The following PFKFB4 variants were observed in gnomAD, a reference collection of about 807,000 sequenced individuals.
PFKFB4 encodes the protein 6-phosphofructo-2-kinase/fructose-2,6-biphosphatase 4, also known as 6-phosphofructo-2-kinase/fructose-2,6-bisphosphatase 4.
Under a neutral mutation model 62.8 loss-of-function variants are expected in PFKFB4, and 42 were observed. The ratio of observed to expected loss-of-function variants is 0.67; its 90% CI spans 0.52 to 0.86. The LOEUF is 0.86. Ranked by LOEUF, PFKFB4 falls within the 40% of genes least tolerant of loss-of-function variation. The probability of loss-of-function intolerance (pLI) is 0.00; values close to 1 mark genes in which losing one functional copy is unlikely to be tolerated. For synonymous variants in PFKFB4, 204 were observed against 240.7 expected (o/e 0.85, Z 1.41); for missense variants, 475 against 627.2 (o/e 0.76, Z 2.59).
intron 9 of PFKFB4, among the ~76,000 whole-genome samples, chr3:48,532,897 T>C (rs1000383518): frequency 2.6e-5 from 4 of 152,216 alleles, no homozygotes; most frequent in African/African-American, 9.7e-5. Context: ...ACCTTGAGGA[T>C]ATTATGCTAA....
intron 9 of PFKFB4, among the ~76,000 whole-genome samples, chr3:48,527,612 T>C (rs1208132607): frequency 6.6e-6 from 1 of 152,030 alleles, no homozygotes; most frequent in Middle Eastern, 3.4e-3. Flanking sequence ...TAGTAGAAAT[T>C]TAGACATTAA....
Position 48,518,624 on chromosome 3 carries a change from T to C in PFKFB4, c.*1123A>G, listed in dbSNP as rs1275170202. The C allele has an allele frequency of 6.6e-6, 1 of 152,192 alleles. No individual in the cohort carries two copies. The highest frequency in any genetic ancestry group is 1.5e-5 in the Non-Finnish European group (1 of 68,052). The allele number at this position is 152,192 out of a possible 1,614,324, so 9.4% of individuals were successfully genotyped here. A position where few individuals can be genotyped will look rare whatever the true frequency, so the allele number is the denominator to read the frequency against. On this transcript the variant is annotated 3_prime_UTR_variant, in exon 14 of 14. Coordinates refer to ENST00000232375, the MANE Select transcript of PFKFB4 (RefSeq NM_004567.4). ...TTCACCAGACTCACGTGCACATGAA[T>C]GGAAGGCTGTGCTGCGGCCGGGAAA...
At chr3:48,525,729 A>T in intron 9 of PFKFB4, 60 bp from the exon 10 acceptor site, 1 of 877,054 alleles carries the variant, frequency 1.1e-6, no homozygotes, top group African/African-American at 1.7e-5. Context: ...CCTTGGGGAC[A>T]TGTGGGGTGA....
At position 48,550,098 on chromosome 3, in the gene PFKFB4, C is replaced by A. The variant is rs1274102880; in HGVS notation, c.214+20G>T. ...CATGCCCCACAAAGCTCCCCTTAGACAGCTGGGGCCAAGCCTCACCCCGAG... is the reference window on the plus strand; with the variant it reads ...CATGCCCCACAAAGCTCCCCTTAGAAAGCTGGGGCCAAGCCTCACCCCGAG... On this transcript the variant is annotated intron_variant, in intron 2 of 13. Coordinates refer to ENST00000232375, the MANE Select transcript of PFKFB4 (RefSeq NM_004567.4). The A allele has an allele frequency of 3.2e-6, 5 of 1,555,866 alleles. No homozygotes were observed. The highest frequency in any genetic ancestry group is 3.5e-6 in the Non-Finnish European group (4 of 1,127,056).
intron 9 of PFKFB4, among the ~76,000 whole-genome samples, chr3:48,534,789 C>A (rs1203510555): frequency 1.3e-5 from 2 of 149,818 alleles, no homozygotes; most frequent in Non-Finnish European, 3.0e-5. Context: ...AGAAACAATG[C>A]AACCCAGAAG....
chr3:48,540,272 T>A (rs1401642378), intron 4 of PFKFB4, among the ~76,000 whole-genome samples: 1 of 152,126 alleles, frequency 6.6e-6, no homozygotes, highest in Non-Finnish European at 1.5e-5. Flanking sequence ...GTCAGAGAGA[T>A]CCACGGTGAC....
intron 4 of PFKFB4, 113 bp downstream of exon 4, chr3:48,543,467 C>T: frequency 2.1e-6 from 2 of 950,300 alleles, no homozygotes; most frequent in Non-Finnish European, 3.3e-6. Flanking sequence ...GCACCCAGAG[C>T]AGCTGGGGCA....
At position 48,520,668 on chromosome 3, in the gene PFKFB4, C is replaced by G. The variant is rs185471936; in HGVS notation, c.1351-862G>C. On this transcript the variant is annotated intron_variant, in intron 13 of 13. Coordinates refer to ENST00000232375, the MANE Select transcript of PFKFB4 (RefSeq NM_004567.4). ...TGCTGGGCAGGCTTCCTGAGGCGCCCCTTTTCCACCACAGCCTGCCCCAAT... is the reference window on the plus strand; with the variant it reads ...TGCTGGGCAGGCTTCCTGAGGCGCCGCTTTTCCACCACAGCCTGCCCCAAT... 4.2e-3 allele frequency among the ~76,000 whole-genome samples: 639 copies of G among 152,332 alleles called. 2 individuals are homozygous for G. The highest frequency in any genetic ancestry group is 7.0e-3 in the Non-Finnish European group (478 of 68,020).
rs1424112357 is a variant in PFKFB4, at chr3:48,521,125, AGGTCCAAGGCCAGATGTCCT to A, written c.1350+841_1350+860del. ...GACACATCTACACACCTGTGCTGTG[AGGTCCAAGGCCAGATGTCCT>A]GGTCCAGCCCAAGACGTGCATCCTC... On this transcript the variant is annotated intron_variant, in intron 13 of 13. Transcript: ENST00000232375. This position sits in a 1 kb window ranked among gnomAD's most constrained non-coding sequence, Gnocchi z 5.3. Among the ~76,000 whole-genome samples the A allele has an allele frequency of 2.6e-5, 4 of 152,200 alleles. No individual in the cohort carries two copies. The South Asian group carries it at 6.2e-4, about 24-fold the overall frequency.
upstream of PFKFB4, chr3:48,562,335 A>G (rs1401049976): frequency 6.0e-6 from 1 of 167,652 alleles, no homozygotes; most frequent in Non-Finnish European, 1.3e-5. The surrounding 1 kb of genome is among the most constrained non-coding windows in gnomAD (Gnocchi z 4.3). Context: ...GACTGGTCGG[A>G]GGCAGTGTTG....
intron 9 of PFKFB4, 145 bp from the exon 10 acceptor site, chr3:48,525,814 G>C (rs556219408): frequency 1.3e-5 from 6 of 473,524 alleles, no homozygotes; most frequent in Middle Eastern, 6.8e-4. Flanking sequence ...TCTAAGGAGG[G>C]GAGGACCTCT....
intron 3 of PFKFB4, among the ~76,000 whole-genome samples, chr3:48,546,542 G>A (rs1451781686): frequency 6.6e-6 from 1 of 152,160 alleles, no homozygotes; most frequent in Non-Finnish European, 1.5e-5. Context: ...ACCTTCATGT[G>A]TAGTGGGTGA....
In PFKFB4 at chr3:48,556,606, G is replaced by A; in HGVS notation, c.97+75C>T. ...TCTGTCTCCCGCCCCTTCTCCATGC[G>A]AGACCCCCGCCCAGGCCGCCCTACC... On this transcript the variant is annotated intron_variant, in intron 1 of 13. Coordinates refer to ENST00000232375, the MANE Select transcript of PFKFB4 (RefSeq NM_004567.4). This position sits in a 1 kb window ranked among gnomAD's most constrained non-coding sequence, Gnocchi z 5.7. 6.8e-6 allele frequency: 10 copies of A among 1,472,506 alleles called. No homozygotes were observed. Among genetic ancestry groups the A allele is most frequent in the East Asian group, 2.4e-5 (1 of 41,096 alleles). 91.2% of individuals were successfully genotyped at this position (1,472,506 alleles called of 1,614,324 possible).
In PFKFB4 at chr3:48,521,765, G is replaced by A. The variant is rs1263103186; in HGVS notation, c.1350+221C>T. 6.6e-6 allele frequency among the ~76,000 whole-genome samples: 1 copy of A among 152,242 alleles called. No homozygotes were observed. Among genetic ancestry groups the A allele is most frequent in the Non-Finnish European group, 1.5e-5 (1 of 68,032 alleles). On this transcript the variant is annotated intron_variant, in intron 13 of 13. Transcript: ENST00000232375. This position sits in a 1 kb window ranked among gnomAD's most constrained non-coding sequence, Gnocchi z 5.3. ...GCACTCCTGAGCCTGGTGGCCCAGAGTCAGGGATTTCCCCATCCCCAGGGC... is the reference window on the plus strand; with the variant it reads ...GCACTCCTGAGCCTGGTGGCCCAGAATCAGGGATTTCCCCATCCCCAGGGC...
intron 1 of PFKFB4, among the ~76,000 whole-genome samples, chr3:48,553,327 A>G (rs1048900295): frequency 2.0e-5 from 3 of 152,188 alleles, no homozygotes; most frequent in Non-Finnish European, 4.4e-5. Context: ...TACAAAAATT[A>G]GCCGGGTGTG....
intron 9 of PFKFB4, among the ~76,000 whole-genome samples, chr3:48,528,892 G>A (rs1409474770): frequency 6.6e-6 from 1 of 152,194 alleles, no homozygotes; most frequent in Non-Finnish European, 1.5e-5. Flanking sequence ...AGAAGGAAGG[G>A]TTAGAGGGAA....
chr3:48,550,547 G>T (rs1243573402), intron 1 of PFKFB4, among the ~76,000 whole-genome samples: 1 of 152,090 alleles, frequency 6.6e-6, no homozygotes, highest in African/African-American at 2.4e-5. Context: ...CATGGCTAGG[G>T]GGGTCCCCAC....
chr3:48,538,039 G>A (rs143151024), intron 7 of PFKFB4, among the ~76,000 whole-genome samples: 2 of 152,188 alleles, frequency 1.3e-5, no homozygotes, highest in Non-Finnish European at 2.9e-5. Flanking sequence ...CCAGCCAGTC[G>A]AACTCAGCCG....
chr3:48,539,641 G>T, intron 5 of PFKFB4, 56 bp downstream of exon 5: 1 of 1,409,920 alleles, frequency 7.1e-7, no homozygotes, highest in Non-Finnish European at 1.0e-6. Flanking sequence ...AAGGAGCCCT[G>T]GAGGGCAGGG....
Sources: allele counts gnomAD v4.1 joint callset (sites outside exome capture counted in the v4.1 genomes callset), GRCh38; gene constraint gnomAD v4.1.1; non-coding constraint Gnocchi (gnomAD v3.1); transcripts MANE v1.5; gene names NCBI Gene and HGNC (gene_info 2026-07-23, HGNC 2026-07-21).